STAT4: variants seen among roughly 807,000 people sequenced by gnomAD.
STAT4 encodes signal transducer and activator of transcription 4.
STAT4 carries 42 observed loss-of-function variants against 110.5 expected under a neutral mutation model. The observed-to-expected ratio is 0.38, with a 90% CI of 0.30 to 0.49. The LOEUF is 0.49. STAT4 is among the 20% of genes least tolerant of loss of function. The pLI is 0.95. For missense variants in STAT4, 632 were observed against 887.9 expected (o/e 0.71, Z 3.66); for synonymous variants, 284 against 302.2 (o/e 0.94, Z 0.63).
chr2:191,077,284 G>C lies in STAT4; in HGVS notation c.274-959C>G, dbSNP rs958838528. Among the ~76,000 whole-genome samples the C allele has an allele frequency of 1.3e-5, 2 of 152,162 alleles. No individual in the cohort carries two copies. Among genetic ancestry groups the C allele is most frequent in the Non-Finnish European group, 2.9e-5 (2 of 68,018 alleles). On this transcript the variant is annotated intron_variant, in intron 3 of 23. Transcript: ENST00000392320. The surrounding 1 kb of genome is among the most constrained non-coding windows in gnomAD (Gnocchi z 4.1). Reference sequence around the variant, plus strand: ...CCCAGGGTTGACACAGTGCCTACCAGTGAGTGTCCCAAGCACTCATTTACC... The same window carrying C: ...CCCAGGGTTGACACAGTGCCTACCACTGAGTGTCCCAAGCACTCATTTACC...
chr2:191,151,237 G>A (rs529781712), upstream of STAT4: 1 of 985,656 alleles, frequency 1.0e-6, no homozygotes, highest in South Asian at 4.7e-5. The surrounding 1 kb of genome is among the most constrained non-coding windows in gnomAD (Gnocchi z 4.7). Context: ...GCAACTGCAG[G>A]TGGCTCAGCA....
chr2:191,089,852 C>A (rs1053844871), intron 3 of STAT4, among the ~76,000 whole-genome samples: 1 of 152,016 alleles, frequency 6.6e-6, no homozygotes, highest in African/African-American at 2.4e-5. Flanking sequence ...ATGGAAAAGT[C>A]AAACTATGGA....
At chr2:191,056,464 A>G (rs1696697029) in intron 13 of STAT4, among the ~76,000 whole-genome samples, 1 of 152,196 alleles carries the variant, frequency 6.6e-6, no homozygotes, top group South Asian at 2.1e-4. Flanking sequence ...TATTTCCCCA[A>G]GCTAGCCTCC....
At chr2:191,119,243 C>T (rs954173896) in intron 3 of STAT4, among the ~76,000 whole-genome samples, 4 of 152,220 alleles carry the variant, frequency 2.6e-5, no homozygotes, top group Middle Eastern at 3.4e-3. Context: ...AAAAGGGTCC[C>T]GAAAGATGGG....
At chr2:191,131,895 T>G (rs553622374) in intron 3 of STAT4, 75 of 1,428,622 alleles carry the variant, frequency 5.2e-5, no homozygotes, top group Non-Finnish European at 6.5e-5. Flanking sequence ...TAGCCAACCC[T>G]GGGGACTAAA....
At chr2:191,120,237 T>C (rs886320628) in intron 3 of STAT4, among the ~76,000 whole-genome samples, 31 of 152,086 alleles carry the variant, frequency 2.0e-4, no homozygotes, top group African/African-American at 6.5e-4. Flanking sequence ...AAAGACACCA[T>C]GTAGAGGAGA....
rs1224708938 is a variant in STAT4, at chr2:191,066,632, T to C, written c.545-117A>G. On this transcript the variant is annotated intron_variant, in intron 6 of 23. Coordinates refer to ENST00000392320, the MANE Select transcript of STAT4 (RefSeq NM_003151.4). This position sits in a 1 kb window ranked among gnomAD's most constrained non-coding sequence, Gnocchi z 4.3. ...GAGAACTTATGTGGTAAGAGACTAA[T>C]TGGGTTCACTAGAGGTGAGCTTGGA... 107 of 820,172 alleles carry C rather than the reference T, an allele frequency of 1.3e-4. No homozygotes were observed. Among genetic ancestry groups the C allele is most frequent in the Admixed American group, 2.3e-5 (1 of 42,950 alleles). 50.8% of individuals were successfully genotyped at this position (820,172 alleles called of 1,614,324 possible). A position where few individuals can be genotyped will look rare whatever the true frequency, so the allele number is the denominator to read the frequency against.
chr2:191,061,361 C>T lies in STAT4; in HGVS notation c.1034+368G>A, dbSNP rs1696842784. On this transcript the variant is annotated intron_variant, in intron 10 of 23. Coordinates refer to ENST00000392320, the MANE Select transcript of STAT4 (RefSeq NM_003151.4). This position sits in a 1 kb window ranked among gnomAD's most constrained non-coding sequence, Gnocchi z 6.2. ...TCTCTTCCCTGCTCCCCACGATTAC[C>T]AGACAGAGCCAGGAAGCCATTATTT... is the stretch of plus-strand genomic sequence containing the variant. Among the ~76,000 whole-genome samples, 1 of 152,138 alleles carries T rather than the reference C, an allele frequency of 6.6e-6. No homozygotes were observed. The highest frequency in any genetic ancestry group is 1.5e-5 in the Non-Finnish European group (1 of 68,020).
rs1181635601 is a variant in STAT4 at position 191,140,404 on chromosome 2, C to T, written c.273+6209G>A. On this transcript the variant is annotated intron_variant, in intron 3 of 23. Coordinates refer to ENST00000392320, the MANE Select transcript of STAT4 (RefSeq NM_003151.4). The surrounding 1 kb of genome is among the most constrained non-coding windows in gnomAD (Gnocchi z 4.4). ...GAACTCAAACAAATCAGCAAAAAAA[C>T]TAATAATAATCCCATCAAAAAGCGG... is the stretch of plus-strand genomic sequence containing the variant. 1.3e-5 allele frequency among the ~76,000 whole-genome samples: 2 copies of T among 152,054 alleles called. No homozygotes were observed. Among genetic ancestry groups the T allele is most frequent in the East Asian group, 3.8e-4 (2 of 5,200 alleles).
At chr2:191,126,670 C>G (rs1220266461) in intron 3 of STAT4, among the ~76,000 whole-genome samples, 1 of 152,218 alleles carries the variant, frequency 6.6e-6, no homozygotes, top group Non-Finnish European at 1.5e-5. Context: ...TCTGTTACAG[C>G]TGTCAGGCCA....
At chr2:191,115,083 G>T (rs1267322800) in intron 3 of STAT4, among the ~76,000 whole-genome samples, 2 of 152,004 alleles carry the variant, frequency 1.3e-5, no homozygotes, top group African/African-American at 4.8e-5. Flanking sequence ...ACAGAAAAAA[G>T]TATCTGTTTT....
rs576709757 is a variant in STAT4 at position 191,053,542 on chromosome 2, C to T, written c.1251+948G>A. Among the ~76,000 whole-genome samples the T allele has an allele frequency of 2.0e-5, 3 of 152,296 alleles. No individual in the cohort carries two copies. The highest frequency in any genetic ancestry group is 7.2e-5 in the African/African-American group (3 of 41,570). On this transcript the variant is annotated intron_variant, in intron 14 of 23. Transcript: ENST00000392320. This position sits in a 1 kb window ranked among gnomAD's most constrained non-coding sequence, Gnocchi z 4.5. ...TTTGACTACTCTATCATCAACTCAA[C>T]GGAGTACTCAGACTGCATCAGTTTG...
chr2:191,113,632 A>G lies in STAT4; in HGVS notation c.273+32981T>C, dbSNP rs530943843. The stretch of plus-strand genomic sequence containing the variant: ...ATTAGGGCCAAATTTGTCTTTTGTC[A>G]TCATGCGGAAGAAAGATTAAAAAGG... On this transcript the variant is annotated intron_variant, in intron 3 of 23. Coordinates refer to ENST00000392320, the MANE Select transcript of STAT4 (RefSeq NM_003151.4). This position sits in a 1 kb window ranked among gnomAD's most constrained non-coding sequence, Gnocchi z 4.8. 2.0e-5 allele frequency among the ~76,000 whole-genome samples: 3 copies of G among 152,378 alleles called. No homozygotes were observed. The highest frequency in any genetic ancestry group is 7.2e-5 in the African/African-American group (3 of 41,590).
At chr2:191,040,407 A>G (rs191096852) in intron 15 of STAT4, among the ~76,000 whole-genome samples, 26 of 152,292 alleles carry the variant, frequency 1.7e-4, no homozygotes, top group African/African-American at 6.0e-4. Context: ...ACTACATGAC[A>G]TAAGCTCAAG....
At chr2:191,048,440 C>G (rs1390734108) in intron 14 of STAT4, among the ~76,000 whole-genome samples, 1 of 152,094 alleles carries the variant, frequency 6.6e-6, no homozygotes, top group Non-Finnish European at 1.5e-5. Context: ...CTCACATTCG[C>G]AGGTTCCATT....
Position 191,062,686 on chromosome 2 carries a change from A to G in STAT4, c.941+76T>C, listed in dbSNP as rs1696882385. The G allele has an allele frequency of 2.6e-6, 4 of 1,540,202 alleles. No individual in the cohort carries two copies. Among genetic ancestry groups the G allele is most frequent in the Admixed American group, 3.6e-5 (2 of 55,288 alleles). On this transcript the variant is annotated intron_variant, in intron 9 of 23. Coordinates refer to ENST00000392320, the MANE Select transcript of STAT4 (RefSeq NM_003151.4). The surrounding 1 kb of genome is among the most constrained non-coding windows in gnomAD (Gnocchi z 4.9). ...TTGAATACTTCCCTGCCACTCTTCCACCTAAACACCAAAACCTTAGGAAGG... is the reference window on the plus strand; with the variant it reads ...TTGAATACTTCCCTGCCACTCTTCCGCCTAAACACCAAAACCTTAGGAAGG...
At chr2:191,108,019 G>A (rs1453555516) in intron 3 of STAT4, among the ~76,000 whole-genome samples, 4 of 151,976 alleles carry the variant, frequency 2.6e-5, no homozygotes, top group Admixed American at 1.3e-4. Flanking sequence ...GGCCGGGTGC[G>A]GGGGCTCACG....
intron 3 of STAT4, among the ~76,000 whole-genome samples, chr2:191,123,788 C>T (rs1015441547): frequency 2.4e-4 from 36 of 152,280 alleles, no homozygotes; most frequent in Non-Finnish European, 4.7e-4. Flanking sequence ...AGCAGGGGCT[C>T]GCTGCGACTG....
At chr2:191,098,666 G>A (rs144882039) in intron 3 of STAT4, among the ~76,000 whole-genome samples, 1 of 152,200 alleles carries the variant, frequency 6.6e-6, no homozygotes, top group African/African-American at 2.4e-5. Context: ...TAAATGACGA[G>A]TTAATGGGTG....
Sources: allele counts gnomAD v4.1 joint callset (sites outside exome capture counted in the v4.1 genomes callset), GRCh38; gene constraint gnomAD v4.1.1; non-coding constraint Gnocchi (gnomAD v3.1); transcripts MANE v1.5; gene names NCBI Gene and HGNC (gene_info 2026-07-23, HGNC 2026-07-21).